PPP1R12C: variants seen among roughly 807,000 people sequenced by gnomAD.
The protein encoded by PPP1R12C is protein phosphatase 1 regulatory subunit 12C, also known as leukocyte receptor cluster (LRC) encoded novel gene 3.
PPP1R12C carries 48 observed loss-of-function variants against 95.6 expected under a neutral mutation model. The ratio of observed to expected loss-of-function variants is 0.50; its 90% confidence interval spans 0.40 to 0.64. PPP1R12C has a LOEUF of 0.64. Among genes scored for constraint, PPP1R12C ranks in the 30% least tolerant of loss-of-function variants. The pLI is 0.00. For synonymous variants in PPP1R12C, 480 were observed against 460.8 expected (o/e 1.04, Z -0.53); for missense variants, 1,057 against 1,083.3 (o/e 0.98, Z 0.34).
rs1178421661 is a variant in PPP1R12C at position 55,109,712 on chromosome 19, G to A, written c.571+2755C>T. Among the ~76,000 whole-genome samples the A allele has an allele frequency of 2.0e-5, 3 of 152,272 alleles. No individual in the cohort carries two copies. On this transcript the variant is annotated intron_variant, in intron 3 of 21. Transcript: ENST00000263433. This position sits in a 1 kb window ranked among gnomAD's most constrained non-coding sequence, Gnocchi z 4.4. ...CACTATGGCCAGAGCCAGTCTGGAT[G>A]CCAGCACCTCGGGGAATTCTGCATC...
intron 3 of PPP1R12C, among the ~76,000 whole-genome samples, chr19:55,105,332 G>A (rs1015073834): frequency 1.2e-4 from 18 of 152,298 alleles, no homozygotes; most frequent in Middle Eastern, 3.4e-3. Context: ...CACAGTCAGC[G>A]CCCTCTGCAT....
At chr19:55,096,367 G>C in intron 6 of PPP1R12C, 32 bp from the exon 7 acceptor site, 1 of 1,606,690 alleles carries the variant, frequency 6.2e-7, no homozygotes, top group Non-Finnish European at 8.5e-7. Flanking sequence ...GCAGGGGAGG[G>C]GTGGAGCACA....
intron 3 of PPP1R12C, among the ~76,000 whole-genome samples, chr19:55,104,421 G>C (rs1602994290): frequency 6.6e-6 from 1 of 151,584 alleles, no homozygotes; most frequent in Admixed American, 6.6e-5. Flanking sequence ...ATTATATTGG[G>C]GGGTGGCACA....
At chr19:55,091,812 T>G in intron 20 of PPP1R12C, 47 bp downstream of exon 20, 1 of 1,612,446 alleles carries the variant, frequency 6.2e-7, no homozygotes, top group African/African-American at 1.3e-5. Flanking sequence ...CTTAGGGATG[T>G]GAGGCTGGGG....
At position 55,091,329 on chromosome 19, in the gene PPP1R12C, C is replaced by T; in HGVS notation, c.*143G>A. ...CCCCTCGGCTCCTGGGGACTCTGCTCCCCTCCCAGTCCGGAGGTCCCAGGG... is the reference window on the plus strand; with the variant it reads ...CCCCTCGGCTCCTGGGGACTCTGCTTCCCTCCCAGTCCGGAGGTCCCAGGG... On this transcript the variant is annotated 3_prime_UTR_variant, in exon 22 of 22. Coordinates refer to ENST00000263433, the MANE Select transcript of PPP1R12C (RefSeq NM_017607.4). The T allele has an allele frequency of 3.3e-6, 3 of 899,918 alleles. No individual in the cohort carries two copies. Among genetic ancestry groups the T allele is most frequent in the Non-Finnish European group, 5.0e-6 (3 of 594,612 alleles). The allele number at this position is 899,918 out of a possible 1,614,324, so 55.7% of individuals were successfully genotyped here. A position where few individuals can be genotyped will look rare whatever the true frequency, so the allele number is the denominator to read the frequency against.
chr19:55,097,661 C>T (rs2084937453), intron 6 of PPP1R12C, among the ~76,000 whole-genome samples: 1 of 149,932 alleles, frequency 6.7e-6, no homozygotes, highest in African/African-American at 2.5e-5. Flanking sequence ...CAGTTCACCA[C>T]CGTCTTCGCC....
chr19:55,105,655 A>G (rs887469841), intron 3 of PPP1R12C, among the ~76,000 whole-genome samples: 4 of 152,150 alleles, frequency 2.6e-5, no homozygotes, highest in African/African-American at 4.8e-5. Flanking sequence ...TCCAAGAAGA[A>G]GTCACTCCCA....
In PPP1R12C at chr19:55,092,558, G is replaced by A. The variant is rs776785741; in HGVS notation, c.1953-14C>T. The A allele has an allele frequency of 3.2e-5, 51 of 1,589,040 alleles. No homozygotes were observed. In the Middle Eastern group the frequency reaches 1.6e-3, roughly 50 times the overall value. ...CCCTCCAGGGTGCTGGGGCAGGGGA[G>A]GAGCGCGCGTCAGGGGCCGGCCCGG... is the stretch of plus-strand genomic sequence containing the variant. On this transcript the variant is annotated splice_polypyrimidine_tract_variant and intron_variant, in intron 17 of 21. Transcript: ENST00000263433.
At position 55,110,000 on chromosome 19, in the gene PPP1R12C, C is replaced by CT. The variant is rs2085078251; in HGVS notation, c.571+2466dup. 6.6e-6 allele frequency among the ~76,000 whole-genome samples: 1 copy of CT among 152,212 alleles called. No homozygotes were observed. Among genetic ancestry groups the CT allele is most frequent in the Admixed American group, 6.5e-5 (1 of 15,284 alleles). On this transcript the variant is annotated intron_variant, in intron 3 of 21. Coordinates refer to ENST00000263433, the MANE Select transcript of PPP1R12C (RefSeq NM_017607.4). The surrounding 1 kb of genome is among the most constrained non-coding windows in gnomAD (Gnocchi z 4.4). ...GCCAATATCCCCCACCAATGTATCC[C>CT]TCCCAGCCTTCTCCTCACCCCACGG...
chr19:55,107,312 G>A (rs968326416), intron 3 of PPP1R12C, among the ~76,000 whole-genome samples: 1 of 152,112 alleles, frequency 6.6e-6, no homozygotes, highest in African/African-American at 2.4e-5. Context: ...TACTTGGAAG[G>A]CTGAGGCAGG....
intron 3 of PPP1R12C, among the ~76,000 whole-genome samples, chr19:55,110,301 G>C (rs1180960949): frequency 4.6e-5 from 7 of 151,916 alleles, no homozygotes; most frequent in African/African-American, 1.2e-4. Context: ...CAGTGGGTGA[G>C]AGTGTAGCAT....
chr19:55,107,691 G>C (rs1158364911), intron 3 of PPP1R12C, among the ~76,000 whole-genome samples: 2 of 129,642 alleles, frequency 1.5e-5, no homozygotes, highest in African/African-American at 5.9e-5. Context: ...CACACACTGG[G>C]GCCTGTCGTG....
intron 3 of PPP1R12C, among the ~76,000 whole-genome samples, chr19:55,108,276 G>A (rs1403858919): frequency 6.6e-6 from 1 of 151,954 alleles, no homozygotes; most frequent in Non-Finnish European, 1.5e-5. Context: ...GCATTAAGTA[G>A]TCACAATTGG....
chr19:55,112,852 G>T, intron 1 of PPP1R12C, 57 bp from the exon 2 acceptor site: 2 of 1,602,574 alleles, frequency 1.2e-6, no homozygotes, highest in East Asian at 4.5e-5. Context: ...GTCCCAGCAA[G>T]TCGGGACTCC....
rs1354905294 is a variant in PPP1R12C, at chr19:55,098,851, C to T, written c.884G>A (p.Arg295His). 4.3e-6 allele frequency: 7 copies of T among 1,613,252 alleles called. No individual in the cohort carries two copies. Among genetic ancestry groups the T allele is most frequent in the Admixed American group, 3.3e-5 (2 of 60,004 alleles). ...TTCCTCATCGGCCAGGTCACAGGGA[C>T]GCTGCCCCTGGGTCAGGGGAGGAGC... ...GMDSLTHAGQ[R>H]PCDLADEEVL... is the part of the protein sequence containing the mutation. The change falls in exon 6 of 22, where the codon CGT becomes CAT. Residue 295 changes from arginine to histidine, a missense_variant. By Grantham distance (29) the Arg-to-His change is conservative (BLOSUM62 0). Around this residue, in one of 5 missense-constraint regions of PPP1R12C, gnomAD observed 282 missense variants for 380.4 expected, o/e 0.74. Coordinates refer to ENST00000263433, the MANE Select transcript of PPP1R12C (RefSeq NM_017607.4).
rs377413098 is a variant in PPP1R12C, at chr19:55,094,735, C to G, written c.1518G>C (p.Glu506Asp). The change falls in exon 12 of 22, where the codon GAG becomes GAC. Residue 506 changes from glutamate to aspartate, a missense_variant. Physicochemically the swap from Glu to Asp is conservative, Grantham distance 45 (BLOSUM62 2). Coordinates refer to ENST00000263433, the MANE Select transcript of PPP1R12C (RefSeq NM_017607.4). The part of the protein sequence containing the change: ...ENSSPPSRIP[E>D]PESPAKPNVP... ...CGTTTGGCTTCGCTGGGGATTCAGG[C>G]TCCGGAATCCTGGAGGGAGGCGAGG... 77 of 1,609,624 alleles carry G rather than the reference C, an allele frequency of 4.8e-5. No homozygotes were observed. The highest frequency in any genetic ancestry group is 5.9e-5 in the Non-Finnish European group (70 of 1,178,908).
At chr19:55,095,672 C>T in intron 9 of PPP1R12C, 69 bp from the exon 10 acceptor site, 2 of 1,501,722 alleles carry the variant, frequency 1.3e-6, no homozygotes, top group Non-Finnish European at 1.8e-6. Flanking sequence ...GGTTAGCCCC[C>T]AAAGGACTGC....
chr19:55,091,564 G>C lies in PPP1R12C; in HGVS notation c.2263-6C>G. ...GCGCGGAGGTCAGACAGGGCCTGGG[G>C]GACGGCAAGGGTCAGCTGGGCAGCC... On this transcript the variant is annotated splice_polypyrimidine_tract_variant and splice_region_variant and intron_variant, in intron 21 of 21. Coordinates refer to ENST00000263433, the MANE Select transcript of PPP1R12C (RefSeq NM_017607.4). The C allele has an allele frequency of 6.2e-7, 1 of 1,613,250 alleles. No homozygotes were observed. Among genetic ancestry groups the C allele is most frequent in the Non-Finnish European group, 8.5e-7 (1 of 1,179,808 alleles).
chr19:55,103,133 G>T (rs546684642), intron 4 of PPP1R12C, among the ~76,000 whole-genome samples: 1 of 152,170 alleles, frequency 6.6e-6, no homozygotes, highest in African/African-American at 2.4e-5. Context: ...GTTTGAGGCT[G>T]CAGTGAGCCA....
Sources: gnomAD v4.1 joint callset for allele counts (sites outside exome capture counted in the v4.1 genomes callset) on GRCh38, gnomAD v4.1.1 for gene constraint, gnomAD v4.1.1 regional missense constraint, Gnocchi (gnomAD v3.1) non-coding constraint, MANE v1.5 for transcripts, NCBI Gene and HGNC (gene_info 2026-07-23, HGNC 2026-07-21) for gene names.